FLYWCH1: variants seen among roughly 807,000 people sequenced by gnomAD.
The protein encoded by FLYWCH1 is FLYWCH-type zinc finger 1, also known as FLYWCH-type zinc finger-containing protein 1.
FLYWCH1 carries 75 observed loss-of-function variants against 66.4 expected under a neutral mutation model. That is an observed-to-expected ratio of 1.13 (90% CI 0.94 to 1.37). The LOEUF (loss-of-function observed/expected upper bound fraction) is 1.37. FLYWCH1 is among the 40% of genes most tolerant of loss of function. The pLI is 0.00. For synonymous variants in FLYWCH1, 595 were observed against 429.9 expected (o/e 1.38, Z -4.75); for missense variants, 1,334 against 1,001.8 (o/e 1.33, Z -4.48).
At position 2,937,180 on chromosome 16, in the gene FLYWCH1, C is replaced by G; in HGVS notation, c.1573C>G (p.Leu525Val). The G allele has an allele frequency of 7.2e-7, 1 of 1,391,300 alleles. No homozygotes were observed. Among genetic ancestry groups the G allele is most frequent in the African/African-American group, 1.9e-5 (1 of 52,000 alleles). The allele number at this position is 1,391,300 out of a possible 1,614,324, so 86.2% of individuals were successfully genotyped here. Reference protein sequence around the residue: ...GGSFLVYESFLYRREKAAGEK... With the variant: ...GGSFLVYESFVYRREKAAGEK... ...CAGCTTCCTGGTGTACGAGTCCTTC[C>G]TCTACCGGCGGGAGAAGGCGGCCGG... Residue 525 changes from leucine to valine, a missense_variant, in exon 7 of 10, where the codon CTC (leucine) becomes GTC (valine). Physicochemically the swap from Leu to Val is conservative, Grantham distance 32. Coordinates refer to ENST00000253928, the MANE Select transcript of FLYWCH1 (RefSeq NM_001308068.2).
chr16:2,938,436 C>T lies in FLYWCH1; in HGVS notation c.2030C>T (p.Thr677Met), dbSNP rs767882824. 48 of 1,527,372 alleles carry T rather than the reference C, an allele frequency of 3.1e-5. No individual in the cohort carries two copies. The highest frequency in any genetic ancestry group is 5.6e-5 in the African/African-American group (4 of 72,016). 94.6% of individuals were successfully genotyped at this position (1,527,372 alleles called of 1,614,324 possible). The change falls in exon 8 of 10, where the codon ACG (threonine) becomes ATG (methionine). Residue 677 changes from threonine (T) to methionine (M), a missense_variant. Physicochemically the swap from Thr to Met is moderately conservative, Grantham distance 81. Transcript: ENST00000253928. ...AGGCAACGGGAGCGGCTCCCCACCA[C>T]GGCCCAGCAGGAGGACCCAGGTACA... ...ALRQRERLPT[T>M]AQQEDPEKIQ...
chr16:2,928,377 T>G (rs896032418), intron 2 of FLYWCH1, among the ~76,000 whole-genome samples: 4 of 152,088 alleles, frequency 2.6e-5, no homozygotes, highest in African/African-American at 9.7e-5. Context: ...GCTGTCTCAG[T>G]GGGGGGAAAC....
At chr16:2,934,738 T>G (rs1567340452) in intron 6 of FLYWCH1, 2 of 451,402 alleles carry the variant, frequency 4.4e-6, no homozygotes, top group Non-Finnish European at 4.5e-6. Context: ...TTTTGTTCCA[T>G]CTCCAGAGAG....
intron 2 of FLYWCH1, chr16:2,923,244 G>A: frequency 6.4e-6 from 2 of 314,452 alleles, no homozygotes; most frequent in Non-Finnish European, 1.2e-5. Context: ...TGAAGAGGCT[G>A]TTTTTGTTTA....
At position 2,933,795 on chromosome 16, in the gene FLYWCH1, G is replaced by A. The variant is rs551896093; in HGVS notation, c.1329G>A (p.Ala443=). 178 of 1,608,612 alleles carry A rather than the reference G, an allele frequency of 1.1e-4. No individual in the cohort carries two copies. Among genetic ancestry groups the A allele is most frequent in the Middle Eastern group, 5.2e-4 (3 of 5,818 alleles). Residue 443 remains alanine (A), a synonymous_variant, in exon 6 of 10, where the codon GCG becomes GCA. Coordinates refer to ENST00000253928, the MANE Select transcript of FLYWCH1 (RefSeq NM_001308068.2). The stretch of plus-strand genomic sequence containing the variant: ...CCTTCCTCTACCGGCGGGAGAAGGC[G>A]GCTGGGGAGAAGGTGTATTGGACCT... The part of the protein sequence containing the change: ...YESFLYRREK[A]AGEKVYWTCR...
rs11644380 is a variant in FLYWCH1, at chr16:2,929,639, T to C, written c.-47T>C. 0.39 allele frequency: 604,878 copies of C among 1,563,354 alleles called. 121,100 individuals are homozygous for C. Among genetic ancestry groups the C allele is most frequent in the Admixed American group, 0.43 (22,907 of 53,306 alleles). ...ACGGAACCACTGCACTCCAGGTTCC[T>C]TGCTGGGTGCTGAGCGTGGCCTGAG... On this transcript the variant is annotated 5_prime_UTR_variant, in exon 3 of 10. Transcript: ENST00000253928.
At chr16:2,925,575 G>GGGGGC (rs2070532092) in intron 2 of FLYWCH1, among the ~76,000 whole-genome samples, 1 of 94,838 alleles carries the variant, frequency 1.1e-5, no homozygotes, top group South Asian at 3.2e-4. Context: ...GGGGAGTTGC[G>GGGGGC]GGGGGAGGGG....
intron 2 of FLYWCH1, among the ~76,000 whole-genome samples, chr16:2,924,042 A>G (rs964191778): frequency 6.6e-6 from 1 of 152,090 alleles, no homozygotes; most frequent in East Asian, 1.9e-4. Flanking sequence ...TCAAAAAGGT[A>G]AAAAGCTGGC....
chr16:2,922,495 C>A (rs1293775262), intron 2 of FLYWCH1: 5 of 237,656 alleles, frequency 2.1e-5, no homozygotes, highest in Non-Finnish European at 3.3e-5. Flanking sequence ...GCCCCTGGCA[C>A]CCCCATTCTA....
chr16:2,943,862 G>A (rs1238575254), intron 9 of FLYWCH1, among the ~76,000 whole-genome samples: 2 of 152,024 alleles, frequency 1.3e-5, no homozygotes, highest in African/African-American at 4.8e-5. Flanking sequence ...ACTTGAACCC[G>A]GGAGGTGGAG....
chr16:2,914,475 A>C (rs1467973592), intron 2 of FLYWCH1, among the ~76,000 whole-genome samples, 186 bp downstream of exon 2: 2 of 152,156 alleles, frequency 1.3e-5, no homozygotes, highest in Admixed American at 6.5e-5. Context: ...CTGGCATTGC[A>C]CTCAAATTGC....
Position 2,929,617 on chromosome 16 carries a change from G to A in FLYWCH1, c.-69G>A. On this transcript the variant is annotated 5_prime_UTR_variant, in exon 3 of 10. Coordinates refer to ENST00000253928, the MANE Select transcript of FLYWCH1 (RefSeq NM_001308068.2). Reference sequence around the variant, plus strand: ...GGATTTTGCTTCCTTCCTTAGGACGGAACCACTGCACTCCAGGTTCCTTGC... The same window carrying A: ...GGATTTTGCTTCCTTCCTTAGGACGAAACCACTGCACTCCAGGTTCCTTGC... 2 of 1,520,848 alleles carry A rather than the reference G, an allele frequency of 1.3e-6. No homozygotes were observed. Among genetic ancestry groups the A allele is most frequent in the Non-Finnish European group, 1.8e-6 (2 of 1,132,832 alleles). 94.2% of individuals were successfully genotyped at this position (1,520,848 alleles called of 1,614,324 possible). A position where few individuals can be genotyped will look rare whatever the true frequency, so the allele number is the denominator to read the frequency against.
chr16:2,944,408 A>AAAG (rs2071396230), intron 9 of FLYWCH1, among the ~76,000 whole-genome samples: 1 of 150,596 alleles, frequency 6.6e-6, no homozygotes, highest in Non-Finnish European at 1.5e-5. Context: ...AAAAAAAAAA[A>AAAG]AAAGATCACA....
chr16:2,913,283 G>A (rs920829796), intron 1 of FLYWCH1: 1 of 152,246 alleles, frequency 6.6e-6, no homozygotes, highest in Non-Finnish European at 1.5e-5. Context: ...GGTGGGAGTG[G>A]GAAGGAGAGG....
intron 1 of FLYWCH1, chr16:2,912,868 A>G (rs1253307403): frequency 1.3e-5 from 2 of 152,194 alleles, no homozygotes; most frequent in African/African-American, 4.8e-5. Flanking sequence ...TCAGATAATC[A>G]TGTGCAAACT....
rs113957837 is a variant in FLYWCH1 at position 2,919,824 on chromosome 16, A to G, written c.-74+5535A>G. Among the ~76,000 whole-genome samples, 1,261 of 152,300 alleles carry G rather than the reference A, an allele frequency of 8.3e-3. 16 individuals carry two copies. The highest frequency in any genetic ancestry group is 0.029 in the African/African-American group (1,205 of 41,576). On this transcript the variant is annotated intron_variant, in intron 2 of 9. Coordinates refer to ENST00000253928, the MANE Select transcript of FLYWCH1 (RefSeq NM_001308068.2). ...GTAATTTTACCAAGGCAATAGGAAC[A>G]TTTCAGGAGCAACACCACCATCTTG... is the stretch of plus-strand genomic sequence containing the variant.
intron 2 of FLYWCH1, among the ~76,000 whole-genome samples, chr16:2,923,824 G>C (rs1010679131): frequency 6.6e-6 from 1 of 151,942 alleles, no homozygotes; most frequent in Non-Finnish European, 1.5e-5. Context: ...GATCACTTGA[G>C]GTCACGAGTT....
In FLYWCH1 at chr16:2,911,986, C is replaced by A. The variant is rs2069999409; in HGVS notation, c.-356C>A. ...CGGCTCCCCGGCGGGGTCGCGCGCG[C>A]GGTCACGGGGCTCGCTCCCGAGGGG... On this transcript the variant is annotated 5_prime_UTR_variant, in exon 1 of 10. Coordinates refer to ENST00000253928, the MANE Select transcript of FLYWCH1 (RefSeq NM_001308068.2). 1 of 152,212 alleles carries A rather than the reference C, an allele frequency of 6.6e-6. No homozygotes were observed. The highest frequency in any genetic ancestry group is 1.5e-5 in the Non-Finnish European group (1 of 68,044). 9.4% of individuals were successfully genotyped at this position (152,212 alleles called of 1,614,324 possible). A position where few individuals can be genotyped will look rare whatever the true frequency, so the allele number is the denominator to read the frequency against.
rs974880060 is a variant in FLYWCH1, at chr16:2,948,014, C to A, written c.2112-674C>A. Among the ~76,000 whole-genome samples the A allele has an allele frequency of 2.0e-5, 3 of 151,932 alleles. No homozygotes were observed. The South Asian group carries it at 6.2e-4, about 32-fold the overall frequency. On this transcript the variant is annotated intron_variant, in intron 9 of 9. Coordinates refer to ENST00000253928, the MANE Select transcript of FLYWCH1 (RefSeq NM_001308068.2). ...TCTGATGGCACCACTGCACTCCAGC[C>A]TGGGTGACAGAGTGACACCATATCT...
Sources: gnomAD v4.1 joint callset for allele counts (sites outside exome capture counted in the v4.1 genomes callset) on GRCh38, gnomAD v4.1.1 for gene constraint, MANE v1.5 for transcripts, NCBI Gene and HGNC (gene_info 2026-07-23, HGNC 2026-07-21) for gene names.